The following GRIK4 variants were observed in gnomAD, a reference collection of about 807,000 sequenced individuals.
The protein encoded by GRIK4 is glutamate ionotropic receptor kainate type subunit 4.
Under a neutral mutation model 104.9 loss-of-function variants are expected in GRIK4, and 40 were observed. That is an observed-to-expected ratio of 0.38 (90% CI 0.30 to 0.50). The LOEUF (loss-of-function observed/expected upper bound fraction) is 0.50. Ranked by LOEUF, GRIK4 falls within the 20% of genes least tolerant of loss-of-function variation. The pLI is 0.93. For synonymous variants in GRIK4, 485 were observed against 524.9 expected (o/e 0.92, Z 1.04); for missense variants, 1,047 against 1,308.1 (o/e 0.80, Z 3.08).
chr11:120,674,148 G>A (rs933504661), intron 3 of GRIK4, among the ~76,000 whole-genome samples: 1 of 152,096 alleles, frequency 6.6e-6, no homozygotes, highest in Non-Finnish European at 1.5e-5. Context: ...CTCATGGATT[G>A]GATCCAATTC....
At chr11:120,597,215 C>A (rs912370926) in intron 1 of GRIK4, among the ~76,000 whole-genome samples, 1 of 152,204 alleles carries the variant, frequency 6.6e-6, no homozygotes, top group Non-Finnish European at 1.5e-5. Flanking sequence ...ACTCACCTTG[C>A]GGGGCCGCTC....
intron 11 of GRIK4, among the ~76,000 whole-genome samples, chr11:120,882,903 C>T (rs184970916): frequency 5.3e-5 from 8 of 152,318 alleles, no homozygotes; most frequent in East Asian, 1.9e-4. Flanking sequence ...CAGGCTCTCT[C>T]GCATGCCCTT....
intron 11 of GRIK4, among the ~76,000 whole-genome samples, chr11:120,878,379 C>T (rs925600870): frequency 1.3e-5 from 2 of 152,160 alleles, no homozygotes; most frequent in Non-Finnish European, 2.9e-5. Context: ...CCACAGACTA[C>T]CCTTTGACAA....
chr11:120,652,330 C>A (rs529878934), intron 1 of GRIK4, among the ~76,000 whole-genome samples: 2 of 152,338 alleles, frequency 1.3e-5, no homozygotes, highest in South Asian at 4.1e-4. Flanking sequence ...ACTCCCAGAG[C>A]TGGTGAGCAC....
At chr11:120,822,737 T>A (rs539053285) in intron 6 of GRIK4, among the ~76,000 whole-genome samples, 10 of 151,664 alleles carry the variant, frequency 6.6e-5, no homozygotes, top group African/African-American at 2.2e-4. Context: ...GGACCAGGAG[T>A]TTTATGGCAA....
chr11:120,845,239 C>T (rs1359314300), intron 8 of GRIK4, among the ~76,000 whole-genome samples: 1 of 152,196 alleles, frequency 6.6e-6, no homozygotes, highest in Non-Finnish European at 1.5e-5. Context: ...TCAGAGAGAA[C>T]TTGAGTTCCT....
rs61901452 is a variant in GRIK4 at position 120,928,984 on chromosome 11, T to C, written c.1477-11363T>C. Among the ~76,000 whole-genome samples the C allele has an allele frequency of 5.2e-3, 524 of 101,508 alleles. 5 individuals carry two copies. Among genetic ancestry groups the C allele is most frequent in the African/African-American group, 0.014 (462 of 34,018 alleles). 66.6% of individuals were successfully genotyped at this position (101,508 alleles called of 152,430 possible). On this transcript the variant is annotated intron_variant, in intron 13 of 20. Transcript: ENST00000527524. ...ACGTGTGTGTGTGTGTGTGTGTGTG[T>C]GTGTGCGCGCGTGCACGCGTGTATG...
intron 9 of GRIK4, 62 bp downstream of exon 9, chr11:120,862,182 G>C (rs1954283204): frequency 7.0e-7 from 1 of 1,430,184 alleles, no homozygotes; most frequent in Non-Finnish European, 9.7e-7. Context: ...CCCTCTGTGG[G>C]CCAACCCCTG....
At chr11:120,557,197 T>C (rs188553964) in intron 1 of GRIK4, among the ~76,000 whole-genome samples, 7 of 152,290 alleles carry the variant, frequency 4.6e-5, no homozygotes, top group African/African-American at 9.6e-5. Context: ...GAGGACCGGA[T>C]AGAATTCAGA....
rs7123557 is a variant in GRIK4, at chr11:120,903,222, A to G, written c.1273-2068A>G. On this transcript the variant is annotated intron_variant, in intron 12 of 20. Transcript: ENST00000527524. The surrounding 1 kb of genome is among the most constrained non-coding windows in gnomAD (Gnocchi z 4.4). ...CCCCTGCTCCCAGCTGCCTGTCTGC[A>G]TCCAGCCTCCCCTCTGCAGCCGGGC... Among the ~76,000 whole-genome samples, 11,512 of 152,002 alleles carry G rather than the reference A, an allele frequency of 0.076. 1,471 individuals are homozygous for G. Among genetic ancestry groups the G allele is most frequent in the African/African-American group, 0.26 (10,889 of 41,384 alleles).
intron 1 of GRIK4, among the ~76,000 whole-genome samples, chr11:120,528,319 G>A (rs1947882900): frequency 6.6e-6 from 1 of 152,010 alleles, no homozygotes; most frequent in East Asian, 1.9e-4. Flanking sequence ...CACAGTGTTA[G>A]CCAGGATGGT....
chr11:120,868,304 A>G (rs1477271406), intron 9 of GRIK4: 1 of 152,158 alleles, frequency 6.6e-6, no homozygotes, highest in African/African-American at 2.4e-5. Flanking sequence ...AAATATAAAA[A>G]CAAGAGAATC....
In GRIK4 at chr11:120,952,146, T is replaced by C. The variant is rs1194563731; in HGVS notation, c.1591-709T>C. 6.6e-6 allele frequency among the ~76,000 whole-genome samples: 1 copy of C among 152,184 alleles called. No homozygotes were observed. Among genetic ancestry groups the C allele is most frequent in the Non-Finnish European group, 1.5e-5 (1 of 68,028 alleles). On this transcript the variant is annotated intron_variant, in intron 14 of 20. Transcript: ENST00000527524. This position sits in a 1 kb window ranked among gnomAD's most constrained non-coding sequence, Gnocchi z 5.2. ...CTCCATTGTCTGGCTCACAGGACTC[T>C]GGCCAGACTCATCCCTGGCCTTGCA...
chr11:120,829,090 A>G (rs958957411), intron 6 of GRIK4, among the ~76,000 whole-genome samples: 2 of 152,142 alleles, frequency 1.3e-5, no homozygotes, highest in Non-Finnish European at 2.9e-5. Flanking sequence ...TCAGGCTCCA[A>G]AGATTCTTCA....
At chr11:120,671,545 C>T (rs919883754) in intron 3 of GRIK4, among the ~76,000 whole-genome samples, 1 of 152,164 alleles carries the variant, frequency 6.6e-6, no homozygotes, top group African/African-American at 2.4e-5. Context: ...TATGTCTGTT[C>T]ATATCCTTTG....
Position 120,585,508 on chromosome 11 carries a change from C to T in GRIK4, c.-158-68177C>T, listed in dbSNP as rs114638083. On this transcript the variant is annotated intron_variant, in intron 1 of 20. Transcript: ENST00000527524. ...GGATTACAGGTGTGAGCTACTGTGCCGTGCCCTTTCCATTCTCTTAATAGT... is the reference window on the plus strand; with the variant it reads ...GGATTACAGGTGTGAGCTACTGTGCTGTGCCCTTTCCATTCTCTTAATAGT... 3.1e-3 allele frequency among the ~76,000 whole-genome samples: 464 copies of T among 152,086 alleles called. 2 individuals carry two copies. The highest frequency in any genetic ancestry group is 0.01 in the African/African-American group (421 of 41,494).
At chr11:120,846,060 C>G (rs1002984555) in intron 8 of GRIK4, among the ~76,000 whole-genome samples, 1 of 152,120 alleles carries the variant, frequency 6.6e-6, no homozygotes, top group African/African-American at 2.4e-5. Flanking sequence ...CCCTCCTGTA[C>G]CTATTCTCTG....
At position 120,524,215 on chromosome 11, in the gene GRIK4, G is replaced by A. The variant is rs972009627; in HGVS notation, c.-159+12328G>A. 2.6e-5 allele frequency among the ~76,000 whole-genome samples: 4 copies of A among 152,296 alleles called. No homozygotes were observed. Among genetic ancestry groups the A allele is most frequent in the South Asian group, 4.1e-4 (2 of 4,824 alleles). On this transcript the variant is annotated intron_variant, in intron 1 of 20. Coordinates refer to ENST00000527524, the MANE Select transcript of GRIK4 (RefSeq NM_014619.5). This position sits in a 1 kb window ranked among gnomAD's most constrained non-coding sequence, Gnocchi z 4.5. ...GCTGGGATTAGCGGCGTGAGCCACC[G>A]CGTCTGGCCGTTTCTGCATTCTTTC...
intron 1 of GRIK4, among the ~76,000 whole-genome samples, chr11:120,627,155 C>G (rs1251307853): frequency 5.9e-5 from 9 of 152,218 alleles, no homozygotes; most frequent in Admixed American, 5.9e-4. Flanking sequence ...CTGTTGGGTC[C>G]CCAGGGCTCA....
Sources: gnomAD v4.1 joint callset for allele counts (sites outside exome capture counted in the v4.1 genomes callset) on GRCh38, gnomAD v4.1.1 for gene constraint, Gnocchi (gnomAD v3.1) non-coding constraint, MANE v1.5 for transcripts, NCBI Gene and HGNC (gene_info 2026-07-23, HGNC 2026-07-21) for gene names.